NR6A1: variants seen among roughly 807,000 people sequenced by gnomAD.
NR6A1 encodes nuclear receptor subfamily 6 group A member 1.
NR6A1 carries 7 observed loss-of-function variants against 59.1 expected under a neutral mutation model. The observed-to-expected ratio is 0.12, with a 90% confidence interval of 0.07 to 0.22. NR6A1 has a LOEUF of 0.22. NR6A1 is among the 10% of genes least tolerant of loss of function. The pLI is 1.00. For missense variants in NR6A1, 468 were observed against 611.6 expected (o/e 0.77, Z 2.48); for synonymous variants, 243 against 236.1 (o/e 1.03, Z -0.27).
intron 1 of NR6A1, among the ~76,000 whole-genome samples, chr9:124,767,007 G>C (rs528046729): frequency 6.6e-6 from 1 of 152,282 alleles, no homozygotes; most frequent in African/African-American, 2.4e-5. Flanking sequence ...ACAAACACTA[G>C]GGGTGGTATA....
At chr9:124,642,310 A>T (rs1836789563) in intron 2 of NR6A1, among the ~76,000 whole-genome samples, 1 of 152,320 alleles carries the variant, frequency 6.6e-6, no homozygotes, top group East Asian at 1.9e-4. Context: ...TTGGCCTCCC[A>T]AAGTGCTGGG....
At chr9:124,681,100 T>A (rs1320278402) in intron 2 of NR6A1, among the ~76,000 whole-genome samples, 2 of 152,190 alleles carry the variant, frequency 1.3e-5, no homozygotes, top group African/African-American at 4.8e-5. Flanking sequence ...GACAAAACAG[T>A]AGGTACACAT....
chr9:124,562,082 T>C (rs543194293), intron 2 of NR6A1, among the ~76,000 whole-genome samples: 20 of 152,254 alleles, frequency 1.3e-4, no homozygotes, highest in Admixed American at 5.2e-4. Context: ...AAAGAAACAA[T>C]TGGCATATAA....
intron 2 of NR6A1, among the ~76,000 whole-genome samples, chr9:124,558,348 G>A (rs778786831): frequency 1.3e-5 from 2 of 152,058 alleles, no homozygotes; most frequent in Non-Finnish European, 2.9e-5. Context: ...TCTCTGTCTG[G>A]CTACAGCTAT....
rs988719088 is a variant in NR6A1, at chr9:124,771,073, C to A, written c.47G>T (p.Gly16Val). ...GGGAGGCTCCAGGAACCCCGCCGAG[C>A]CCCCGCCGCCTCCCCCTCCGCTAGG... is the stretch of plus-strand genomic sequence containing the variant. Reference protein sequence around the residue: ...PPPSGGGGGGGSAGFLEPPAA... With the variant: ...PPPSGGGGGGVSAGFLEPPAA... The change falls in exon 1 of 10, where the codon GGC becomes GTC. Residue 16 changes from glycine (G) to valine (V), a missense_variant. This residue lies in a region of NR6A1 where 75 missense variants were observed against 65.6 expected (regional missense o/e 1.14). Transcript: ENST00000487099. 2.4e-6 allele frequency: 3 copies of A among 1,230,132 alleles called. No individual in the cohort carries two copies. Among genetic ancestry groups the A allele is most frequent in the Admixed American group, 8.5e-5 (2 of 23,664 alleles). 76.2% of individuals were successfully genotyped at this position (1,230,132 alleles called of 1,614,324 possible). A position where few individuals can be genotyped will look rare whatever the true frequency, so the allele number is the denominator to read the frequency against.
At chr9:124,685,532 G>A (rs1838305338) in intron 2 of NR6A1, among the ~76,000 whole-genome samples, 1 of 152,154 alleles carries the variant, frequency 6.6e-6, no homozygotes, top group African/African-American at 2.4e-5. Context: ...GTCTCCTTAT[G>A]TTGCCCTGGC....
intron 1 of NR6A1, among the ~76,000 whole-genome samples, chr9:124,757,756 T>C (rs1840674775): frequency 6.6e-6 from 1 of 152,198 alleles, no homozygotes; most frequent in Non-Finnish European, 1.5e-5. Flanking sequence ...CACTTCCAAC[T>C]GTGTTTCCCA....
intron 2 of NR6A1, among the ~76,000 whole-genome samples, chr9:124,713,439 C>A (rs1007597406): frequency 6.6e-6 from 1 of 151,998 alleles, no homozygotes; most frequent in African/African-American, 2.4e-5. Context: ...TCGACGGACA[C>A]AACAGAATGA....
chr9:124,727,092 G>A (rs1839744547), intron 2 of NR6A1, among the ~76,000 whole-genome samples: 1 of 148,742 alleles, frequency 6.7e-6, no homozygotes, highest in Non-Finnish European at 1.5e-5. Context: ...ATGGGCTCTT[G>A]ATTAATAGAC....
At chr9:124,593,276 C>A (rs2130803640) in intron 2 of NR6A1, among the ~76,000 whole-genome samples, 1 of 152,240 alleles carries the variant, frequency 6.6e-6, no homozygotes, top group Admixed American at 6.5e-5. Flanking sequence ...GTTTCGAGAG[C>A]CAATACCAGC....
At chr9:124,577,523 C>G (rs1410204685) in intron 2 of NR6A1, among the ~76,000 whole-genome samples, 1 of 152,184 alleles carries the variant, frequency 6.6e-6, no homozygotes, top group Non-Finnish European at 1.5e-5. Context: ...AATTTCAGAG[C>G]CAGAGGGGAC....
chr9:124,535,111 C>A (rs575787549), intron 7 of NR6A1, among the ~76,000 whole-genome samples: 1 of 151,076 alleles, frequency 6.6e-6, no homozygotes, highest in Admixed American at 6.6e-5. Flanking sequence ...GTGACAGAGC[C>A]AGACACCGTC....
intron 2 of NR6A1, among the ~76,000 whole-genome samples, chr9:124,716,732 A>G (rs1839425408): frequency 6.6e-6 from 1 of 152,188 alleles, no homozygotes; most frequent in Non-Finnish European, 1.5e-5. Flanking sequence ...TTCAGGTTCA[A>G]GCAATTCTTG....
intron 1 of NR6A1, among the ~76,000 whole-genome samples, chr9:124,754,876 A>T (rs1027636531): frequency 1.3e-5 from 2 of 152,162 alleles, no homozygotes; most frequent in African/African-American, 4.8e-5. Flanking sequence ...ACCTCATTTC[A>T]TTCTCCAATA....
chr9:124,560,436 C>T (rs914038670), intron 2 of NR6A1, among the ~76,000 whole-genome samples: 8 of 152,178 alleles, frequency 5.3e-5, no homozygotes, highest in African/African-American at 1.9e-4. Context: ...GTCGGCGTTA[C>T]ATTATTTTCA....
intron 2 of NR6A1, among the ~76,000 whole-genome samples, chr9:124,663,409 G>C (rs1210751239): frequency 6.6e-6 from 1 of 152,178 alleles, no homozygotes; most frequent in Admixed American, 6.5e-5. Context: ...AGGGTCAAGT[G>C]AACAGGGGCT....
intron 3 of NR6A1, among the ~76,000 whole-genome samples, chr9:124,552,852 T>TA (rs1833816303): frequency 6.6e-6 from 1 of 152,214 alleles, no homozygotes; most frequent in Admixed American, 6.5e-5. Context: ...ACATCTCTCT[T>TA]ACCTTTCTTC....
Position 124,579,432 on chromosome 9 carries a change from T to C in NR6A1, c.143-24862A>G, listed in dbSNP as rs368045370. ...CAAGTGTGGTGGCATGTGCCTGTAG[T>C]CCCAGCTACTCAGGAGGCTGAGTAG... On this transcript the variant is annotated intron_variant, in intron 2 of 9. Transcript: ENST00000487099. 3.3e-5 allele frequency among the ~76,000 whole-genome samples: 5 copies of C among 152,298 alleles called. No individual in the cohort carries two copies. In the East Asian group the frequency reaches 7.7e-4, roughly 24 times the overall value.
intron 2 of NR6A1, among the ~76,000 whole-genome samples, chr9:124,691,887 T>C (rs949693551): frequency 1.3e-5 from 2 of 152,158 alleles, no homozygotes; most frequent in African/African-American, 4.8e-5. Context: ...GTAGAAGAAA[T>C]TTACATGTTT....
Sources: allele counts gnomAD v4.1 joint callset (sites outside exome capture counted in the v4.1 genomes callset), GRCh38; gene constraint gnomAD v4.1.1; regional missense constraint gnomAD v4.1.1; transcripts MANE v1.5; gene names NCBI Gene and HGNC (gene_info 2026-07-23, HGNC 2026-07-21).